Variants in KIF15 observed in about 807,000 individuals in gnomAD.
KIF15 encodes the protein kinesin-like protein KIF15.
A neutral mutation model predicts 190.6 loss-of-function variants in KIF15; 140 were observed. That is an observed-to-expected ratio of 0.73 (90% CI 0.64 to 0.84). The LOEUF (loss-of-function observed/expected upper bound fraction) is 0.84. KIF15 is among the 40% of genes least tolerant of loss of function. The pLI, the probability that KIF15 is intolerant of heterozygous loss-of-function variation, is 0.00. For missense variants in KIF15, 1,372 were observed against 1,584.4 expected, an observed-to-expected ratio of 0.87 and a Z score of 2.28; for synonymous variants, 528 against 551.3, an observed-to-expected ratio of 0.96 and a Z score of 0.59.
chr3:44,792,969 T>C (rs564370290), intron 7 of KIF15, among the ~76,000 whole-genome samples: 4 of 152,310 alleles, frequency 2.6e-5, no homozygotes, highest in African/African-American at 9.6e-5. Flanking sequence ...TTTTACCCTA[T>C]ATATACTGTT....
chr3:44,815,348 A>G (rs1380136050), intron 20 of KIF15, among the ~76,000 whole-genome samples: 3 of 152,192 alleles, frequency 2.0e-5, no homozygotes, highest in South Asian at 4.1e-4. Flanking sequence ...TCCTTCTTCT[A>G]TGTGACAAGG....
At chr3:44,852,168 C>G in intron 33 of KIF15, 40 bp from the exon 34 acceptor site, 2 of 1,584,394 alleles carry the variant, frequency 1.3e-6, no homozygotes, top group Non-Finnish European at 1.7e-6. Flanking sequence ...AAATTAAGAC[C>G]TACTTCTCAT....
chr3:44,804,085 T>C (rs1707388899), intron 14 of KIF15, among the ~76,000 whole-genome samples: 1 of 152,172 alleles, frequency 6.6e-6, no homozygotes, highest in African/African-American at 2.4e-5. Context: ...TGGCTTCAAA[T>C]GATCCACCCA....
At chr3:44,788,332 A>G (rs77728810) in intron 7 of KIF15, among the ~76,000 whole-genome samples, 8,387 of 152,252 alleles carry the variant, frequency 0.055, 239 homozygotes, top group Middle Eastern at 0.088. Context: ...TTCTTCTTTA[A>G]CATGTTAACA....
At chr3:44,838,469 T>G (rs1161927178) in intron 27 of KIF15, 48 bp downstream of exon 27, 2 of 1,572,714 alleles carry the variant, frequency 1.3e-6, no homozygotes, top group Non-Finnish European at 1.7e-6. Flanking sequence ...AGAGACCAAG[T>G]GTAGTGGCTC....
intron 20 of KIF15, among the ~76,000 whole-genome samples, chr3:44,819,236 C>T (rs549832126): frequency 4.7e-4 from 72 of 152,232 alleles, no homozygotes; most frequent in Non-Finnish European, 7.2e-4. Context: ...TTTTATGTCT[C>T]TATCTCCTTC....
intron 30 of KIF15, 35 bp from the exon 31 acceptor site, chr3:44,847,950 C>T (rs1698922075): frequency 6.8e-7 from 1 of 1,468,486 alleles, no homozygotes; most frequent in Non-Finnish European, 9.4e-7. Context: ...GCAGTGTTTT[C>T]CTATGCCTCC....
At chr3:44,821,268 C>T (rs1708281747) in intron 20 of KIF15, among the ~76,000 whole-genome samples, 1 of 151,026 alleles carries the variant, frequency 6.6e-6, no homozygotes, top group African/African-American at 2.4e-5. Context: ...GACCCCCCCA[C>T]CTCCCTCCTG....
intron 6 of KIF15, chr3:44,864,941 C>T (rs574528010): frequency 6.6e-7 from 1 of 1,517,124 alleles, no homozygotes; most frequent in African/African-American, 1.4e-5. Context: ...GGCTCCAGAC[C>T]TTTCCTCCTG....
downstream of KIF15, among the ~76,000 whole-genome samples, chr3:44,853,848 T>A (rs1699149249): frequency 6.6e-6 from 1 of 152,122 alleles, no homozygotes; most frequent in Non-Finnish European, 1.5e-5. Flanking sequence ...TGCTACAACA[T>A]GATGAATCTC....
chr3:44,810,427 AT>A (rs950152276), intron 16 of KIF15, among the ~76,000 whole-genome samples: 21 of 145,824 alleles, frequency 1.4e-4, no homozygotes, highest in Admixed American at 2.8e-4. Flanking sequence ...AATTAAAATG[AT>A]TTTTTTTTTT....
chr3:44,775,797 C>A (rs895972731), intron 3 of KIF15, among the ~76,000 whole-genome samples: 5 of 151,660 alleles, frequency 3.3e-5, no homozygotes, highest in Middle Eastern at 3.2e-3. Flanking sequence ...AATTTCATTT[C>A]TTGGCCAGGC....
chr3:44,817,640 G>GTA (rs760506495), intron 20 of KIF15, among the ~76,000 whole-genome samples: 1 of 152,212 alleles, frequency 6.6e-6, no homozygotes, highest in Non-Finnish European at 1.5e-5. Context: ...TTTGGTTACT[G>GTA]TAGCCTTGTA....
chr3:44,808,374 A>G lies in KIF15; in HGVS notation c.1971+2388A>G, dbSNP rs563837909. ...TTGTTGTTGTTTTAGTTGGACAACT[A>G]CTATATGAATACATTCTCTTTGTTT... On this transcript the variant is annotated intron_variant, in intron 16 of 34. Transcript: ENST00000326047. Among the ~76,000 whole-genome samples, 4 of 152,294 alleles carry G rather than the reference A, an allele frequency of 2.6e-5. No individual in the cohort carries two copies. In the East Asian group the frequency reaches 7.7e-4, roughly 29 times the overall value.
chr3:44,812,116 G>A (rs1455408778), intron 17 of KIF15, 66 bp from the exon 18 acceptor site: 13 of 1,198,726 alleles, frequency 1.1e-5, no homozygotes, highest in African/African-American at 1.1e-4. Context: ...TAATGCAGAC[G>A]AAATGGTGGA....
In KIF15 at chr3:44,794,234, G is replaced by A; in HGVS notation, c.657G>A (p.Trp219Ter). 1.2e-6 allele frequency: 2 copies of A among 1,613,468 alleles called. No homozygotes were observed. Among genetic ancestry groups the A allele is most frequent in the Non-Finnish European group, 1.7e-6 (2 of 1,179,690 alleles). ...AEAYQVLSGG[W>*]RNRRVASTSM... ...TTGCATAGGTGTTGTCTGGAGGATG[G>A]AGGAATAGACGTGTGGCATCAACAT... The change falls in exon 8 of 35, where the codon TGG becomes TGA. Residue 219 changes from tryptophan to a stop codon, truncating the protein, a stop_gained. Coordinates refer to ENST00000326047, the MANE Select transcript of KIF15 (RefSeq NM_020242.3). LOFTEE classifies it high-confidence loss of function.
intron 5 of KIF15, 145 bp from the exon 6 acceptor site, chr3:44,784,700 C>T (rs1706327025): frequency 1.7e-6 from 1 of 589,896 alleles, no homozygotes; most frequent in Non-Finnish European, 3.0e-6. Context: ...ATTTCAATTT[C>T]TCTCACAGAC....
chr3:44,858,032 T>A (rs2125736617), downstream of KIF15, among the ~76,000 whole-genome samples: 1 of 152,216 alleles, frequency 6.6e-6, no homozygotes, highest in African/African-American at 2.4e-5. Flanking sequence ...AAGTAATGAG[T>A]GCTGTCCCTG....
intron 26 of KIF15, among the ~76,000 whole-genome samples, chr3:44,837,895 C>G (rs2125709731): frequency 6.6e-6 from 1 of 152,258 alleles, no homozygotes; most frequent in South Asian, 2.1e-4. Flanking sequence ...CAGCTGTTTA[C>G]TTTCCAGTAT....
Sources: allele counts gnomAD v4.1 joint callset (sites outside exome capture counted in the v4.1 genomes callset), GRCh38; gene constraint gnomAD v4.1.1; transcripts MANE v1.5; gene names NCBI Gene and HGNC (gene_info 2026-07-23, HGNC 2026-07-21).